Variants in PNMA6E observed in about 807,000 individuals in gnomAD.
The protein encoded by PNMA6E is paraneoplastic antigen Ma6E.
For synonymous variants in PNMA6E, 43 were observed against 17.1 expected (o/e 2.52, Z -3.74); for missense variants, 78 against 50.8 (o/e 1.53, Z -1.63).
chrX:153,404,844 A>C (rs782729949), upstream of PNMA6E, among the ~76,000 whole-genome samples: 1 of 112,147 alleles, frequency 8.9e-6, no homozygotes, highest in East Asian at 2.8e-4. Flanking sequence ...GTCACCCAGC[A>C]CGGTGTCCTC....
At chrX:153,407,711 G>A in the PNMA6E span, among the ~76,000 whole-genome samples, 8 of 111,077 alleles carry the variant, frequency 7.2e-5, no homozygotes, top group Admixed American at 6.7e-4. Flanking sequence ...CCTCCCCCAC[G>A]TGGCTCAGGG....
chrX:153,413,770 G>A, the PNMA6E span, among the ~76,000 whole-genome samples: 1 of 112,385 alleles, frequency 8.9e-6, no homozygotes, highest in South Asian at 3.7e-4. Flanking sequence ...CCACCTGGGT[G>A]TTATTTGAGT....
chrX:153,404,712 A>G (rs141141534), upstream of PNMA6E, among the ~76,000 whole-genome samples: 1,349 of 111,924 alleles, frequency 0.012, 23 homozygotes, highest in African/African-American at 0.041. Flanking sequence ...GATTTGGGCC[A>G]AGTGTACAGG....
the PNMA6E span, among the ~76,000 whole-genome samples, chrX:153,410,964 G>A: frequency 1.8e-5 from 2 of 111,616 alleles, no homozygotes; most frequent in East Asian, 5.7e-4. Flanking sequence ...GGTAACCTGA[G>A]GGAAAGCCAG....
chrX:153,404,950 T>C (rs1477335100), upstream of PNMA6E, among the ~76,000 whole-genome samples: 2 of 112,771 alleles, frequency 1.8e-5, no homozygotes, highest in Non-Finnish European at 3.7e-5. Flanking sequence ...GCTTAGTCCC[T>C]CATGCCATCA....
chrX:153,399,430 C>T (rs185796801), intron 1 of PNMA6E, among the ~76,000 whole-genome samples: 1 of 110,860 alleles, frequency 9.0e-6, no homozygotes, highest in Admixed American at 9.6e-5. Flanking sequence ...AGTGCAGCCT[C>T]GACCCCCTGA....
chrX:153,411,997 T>C, the PNMA6E span, among the ~76,000 whole-genome samples: 1 of 112,968 alleles, frequency 8.9e-6, no homozygotes, highest in Non-Finnish European at 1.9e-5. Context: ...AAGAGCATCC[T>C]GTCGCTGATC....
At chrX:153,412,512 G>A in the PNMA6E span, among the ~76,000 whole-genome samples, 3 of 112,566 alleles carry the variant, frequency 2.7e-5, no homozygotes, top group African/African-American at 9.7e-5. Flanking sequence ...GGCAGTAAGA[G>A]CCGGGGAAGG....
the PNMA6E span, among the ~76,000 whole-genome samples, chrX:153,410,171 T>G: frequency 4.5e-5 from 5 of 111,327 alleles, no homozygotes; most frequent in Non-Finnish European, 1.9e-5. Context: ...CCACATGGCC[T>G]TCTCTGTGTC....
At position 153,396,654 on chromosome X, in the gene PNMA6E, G is replaced by A; in HGVS notation, c.*252C>T. ...CCCTCCAGGCCAGCCCCCCGTGGCG[G>A]CAGGGTTTGGGGCTGGGGCTGGGTG... On this transcript the variant is annotated 3_prime_UTR_variant, in exon 2 of 2. Transcript: ENST00000445091. 1 of 223,628 alleles carries A rather than the reference G, an allele frequency of 4.5e-6. No homozygotes were observed. Among genetic ancestry groups the A allele is most frequent in the Non-Finnish European group, 8.1e-6 (1 of 123,664 alleles). The allele number at this position is 223,628 out of a possible 1,213,427, so 18.4% of individuals were successfully genotyped here. A position where few individuals can be genotyped will look rare whatever the true frequency, so the allele number is the denominator to read the frequency against.
In PNMA6E at chrX:153,396,610, C is replaced by A. The variant is rs1424055911; in HGVS notation, c.*296G>T. The A allele has an allele frequency of 5.9e-6, 1 of 169,050 alleles. No individual in the cohort carries two copies. Among genetic ancestry groups the A allele is most frequent in the African/African-American group, 3.0e-5 (1 of 33,754 alleles). 13.9% of individuals were successfully genotyped at this position (169,050 alleles called of 1,213,427 possible). On this transcript the variant is annotated 3_prime_UTR_variant, in exon 2 of 2. Transcript: ENST00000445091. Reference sequence around the variant, plus strand: ...TCTTCAGGTGCCCCCACCCAGGCCACAGCTGCCCACTCAGGGCTCCCTCCA... The same window carrying A: ...TCTTCAGGTGCCCCCACCCAGGCCAAAGCTGCCCACTCAGGGCTCCCTCCA...
the PNMA6E span, among the ~76,000 whole-genome samples, chrX:153,413,583 C>T: frequency 7.3e-5 from 8 of 109,737 alleles, no homozygotes; most frequent in East Asian, 2.9e-4. Flanking sequence ...CCTGTGTGCC[C>T]GATGCTGTGC....
the PNMA6E span, among the ~76,000 whole-genome samples, chrX:153,413,436 C>T: frequency 9.3e-6 from 1 of 107,914 alleles, no homozygotes; most frequent in Non-Finnish European, 1.9e-5. Flanking sequence ...GGCTAAGGTC[C>T]GCAAGCAGGG....
At chrX:153,407,362 T>C in the PNMA6E span, among the ~76,000 whole-genome samples, 1 of 110,635 alleles carries the variant, frequency 9.0e-6, no homozygotes, top group Non-Finnish European at 1.9e-5. Flanking sequence ...CCCTCTTTTT[T>C]CCTCAGTGGA....
At chrX:153,405,744 G>A (rs2088874486), upstream of PNMA6E, among the ~76,000 whole-genome samples, 1 of 110,924 alleles carries the variant, frequency 9.0e-6, no homozygotes, top group Admixed American at 9.6e-5. Context: ...AGCCACGTGA[G>A]TAAGCCTGGA....
upstream of PNMA6E, among the ~76,000 whole-genome samples, chrX:153,403,434 G>A (rs782591340): frequency 8.1e-5 from 9 of 111,639 alleles, no homozygotes; most frequent in Non-Finnish European, 1.5e-4. Context: ...ACTTTACACT[G>A]GCTTTACTGG....
At position 153,397,834 on chromosome X, in the gene PNMA6E, C is replaced by G. The variant is rs2088820102; in HGVS notation, c.1016G>C (p.Ser339Thr). 1 of 325,259 alleles carries G rather than the reference C, an allele frequency of 3.1e-6. No individual in the cohort carries two copies. Among genetic ancestry groups the G allele is most frequent in the African/African-American group, 2.7e-5 (1 of 37,669 alleles). The allele number at this position is 325,259 out of a possible 1,213,427, so 26.8% of individuals were successfully genotyped here. ...QPGCEEESFE[S>T]WVEHAKDMLQ... ...CATATCCTTGGCATGCTCCACCCAG[C>G]TCTCAAAGGACTCTTCCTCGCAGCC... The change falls in exon 2 of 2, where the codon AGC (serine) becomes ACC (threonine). Residue 339 changes from serine to threonine, a missense_variant. Ser to Thr is a moderately conservative substitution (Grantham distance 58). Transcript: ENST00000445091.
At position 153,398,508 on chromosome X, in the gene PNMA6E, A is replaced by G; in HGVS notation, c.342T>C (p.Gly114=). 2.6e-6 allele frequency: 1 copy of G among 387,410 alleles called. No homozygotes were observed. The highest frequency in any genetic ancestry group is 2.5e-5 in the African/African-American group (1 of 39,832). The allele number at this position is 387,410 out of a possible 1,213,427, so 31.9% of individuals were successfully genotyped here. Residue 114 remains glycine, a synonymous_variant, in exon 2 of 2, where the codon GGT becomes GGC. Transcript: ENST00000445091. ...CACCTGCAGCTTTTGCTACTGCTTG[A>G]CCCTGGGGCTGTGCAGGAAAACTGG... The part of the protein sequence containing the change: ...DMPSFPAQPQ[G]QAVAKAAGEG...
rs1277540305 is a variant in PNMA6E at position 153,398,221 on chromosome X, GCTCCTGCCTCACCTACAC to G, written c.611_628del (p.Gly204_Gly209del). ...ACCTGCGCCTCCTGCCTCACCTGCTGCTCCTGCCTCACCTACACCTCCTGCCTCACCTGCGCCTCCTGC... is the reference window on the plus strand; with the variant it reads ...ACCTGCGCCTCCTGCCTCACCTGCTGCTCCTGCCTCACCTGCGCCTCCTGC... On this transcript the variant is annotated inframe_deletion, in exon 2 of 2. Transcript: ENST00000445091. 5 of 388,887 alleles carry G rather than the reference GCTCCTGCCTCACCTACAC, an allele frequency of 1.3e-5. No individual in the cohort carries two copies. Among genetic ancestry groups the G allele is most frequent in the Admixed American group, 4.9e-5 (1 of 20,586 alleles). The allele number at this position is 388,887 out of a possible 1,213,427, so 32.0% of individuals were successfully genotyped here.
Sources: gnomAD v4.1 joint callset for allele counts (sites outside exome capture counted in the v4.1 genomes callset) on GRCh38, gnomAD v4.1.1 for gene constraint, MANE v1.5 for transcripts, NCBI Gene and HGNC (gene_info 2026-07-23, HGNC 2026-07-21) for gene names.